Variants in OXCT1 observed in about 807,000 individuals in gnomAD.
The protein encoded by OXCT1 is succinyl-CoA:3-ketoacid coenzyme A transferase 1, mitochondrial.
Under a neutral mutation model 69.6 loss-of-function variants are expected in OXCT1, and 27 were observed. That is an observed-to-expected ratio of 0.39 (90% confidence interval 0.29 to 0.54). The LOEUF is 0.54. Ranked by LOEUF, OXCT1 falls within the 20% of genes least tolerant of loss-of-function variation. OXCT1 has a pLI of 0.72. For synonymous variants in OXCT1, 202 were observed against 217.8 expected (o/e 0.93, Z 0.64); for missense variants, 437 against 650.2 (o/e 0.67, Z 3.57).
intron 7 of OXCT1, among the ~76,000 whole-genome samples, chr5:41,816,415 T>C (rs1057042138): frequency 2.0e-5 from 3 of 152,234 alleles, no homozygotes; most frequent in Non-Finnish European, 4.4e-5. Context: ...TTTAGCATGA[T>C]GATCAAATGG....
At position 41,820,267 on chromosome 5, in the gene OXCT1, T is replaced by C. The variant is rs193067971; in HGVS notation, c.733-12829A>G. 3.9e-5 allele frequency among the ~76,000 whole-genome samples: 6 copies of C among 152,294 alleles called. No individual in the cohort carries two copies. The South Asian group carries it at 1.2e-3, about 32-fold the overall frequency. On this transcript the variant is annotated intron_variant, in intron 7 of 16. Coordinates refer to ENST00000196371, the MANE Select transcript of OXCT1 (RefSeq NM_000436.4). ...GTTATCAAGTGTTTAAAGTATAACA[T>C]CCATGTTGTTGAGAGTAGTTCCAAA...
intron 15 of OXCT1, among the ~76,000 whole-genome samples, chr5:41,742,894 T>C (rs1201442953): frequency 3.3e-5 from 5 of 152,166 alleles, no homozygotes; most frequent in Non-Finnish European, 4.4e-5. Flanking sequence ...GGCATTTGGG[T>C]TGGTTCCAAG....
intron 13 of OXCT1, among the ~76,000 whole-genome samples, chr5:41,785,050 A>G (rs1434265445): frequency 6.6e-6 from 1 of 152,224 alleles, no homozygotes; most frequent in Non-Finnish European, 1.5e-5. Flanking sequence ...GCACCCAAGA[A>G]AAGTATAATA....
intron 7 of OXCT1, among the ~76,000 whole-genome samples, chr5:41,836,122 C>A (rs1018481313): frequency 1.1e-4 from 16 of 152,198 alleles, no homozygotes; most frequent in Non-Finnish European, 2.4e-4. Context: ...TACTCCTTGT[C>A]ATACACATGG....
intron 8 of OXCT1, 30 bp from the exon 9 acceptor site, chr5:41,805,711 T>C (rs781518288): frequency 2.1e-6 from 3 of 1,398,308 alleles, no homozygotes; most frequent in Non-Finnish European, 2.0e-6. Context: ...AAATTATTCG[T>C]GGTTGAGGTA....
intron 7 of OXCT1, among the ~76,000 whole-genome samples, chr5:41,814,078 T>A (rs1211994616): frequency 6.6e-6 from 1 of 152,068 alleles, no homozygotes. Flanking sequence ...TGTTCCTAAT[T>A]GATGCTATCA....
At chr5:41,763,957 T>C (rs1480352329) in intron 13 of OXCT1, among the ~76,000 whole-genome samples, 1 of 152,148 alleles carries the variant, frequency 6.6e-6, no homozygotes, top group Non-Finnish European at 1.5e-5. Context: ...GAAATATGTA[T>C]AGAGGCCCTG....
chr5:41,772,931 A>G (rs1488595175), intron 13 of OXCT1, among the ~76,000 whole-genome samples: 2 of 152,140 alleles, frequency 1.3e-5, no homozygotes, highest in Non-Finnish European at 2.9e-5. Flanking sequence ...CTGAGTCCCA[A>G]AAGGGAAAAG....
chr5:41,842,701 C>T lies in OXCT1; in HGVS notation c.645G>A (p.Ala215=), dbSNP rs778133491. Residue 215 remains alanine (A), a synonymous_variant, in exon 6 of 17, where the codon GCG becomes GCA. Coordinates refer to ENST00000196371, the MANE Select transcript of OXCT1 (RefSeq NM_000436.4). ...TGAAAATCACGTTTCCTGCTCGGTC[C>T]GCCTTCCAGGCTTTCACCAAAGCAA... ...GDFALVKAWK[A]DRAGNVIFRK... is the part of the protein sequence containing the mutation. 19 of 1,613,274 alleles carry T rather than the reference C, an allele frequency of 1.2e-5. No individual in the cohort carries two copies. The East Asian group carries it at 2.7e-4, about 23-fold the overall frequency.
intron 13 of OXCT1, among the ~76,000 whole-genome samples, chr5:41,775,641 C>T (rs1019800659): frequency 3.9e-5 from 6 of 152,078 alleles, no homozygotes; most frequent in Non-Finnish European, 8.8e-5. Flanking sequence ...TCTCTCCTTC[C>T]TAGAGATTGT....
intron 13 of OXCT1, among the ~76,000 whole-genome samples, chr5:41,786,019 T>C (rs570682817): frequency 6.6e-6 from 1 of 152,278 alleles, no homozygotes; most frequent in South Asian, 2.1e-4. Context: ...ATGTGAGTGC[T>C]TCCCAGATGG....
At chr5:41,862,975 C>T (rs1005310069) in intron 1 of OXCT1, among the ~76,000 whole-genome samples, 2 of 151,902 alleles carry the variant, frequency 1.3e-5, no homozygotes, top group Non-Finnish European at 2.9e-5. Flanking sequence ...ATAGTAGACC[C>T]CCCTTATCCA....
intron 5 of OXCT1, among the ~76,000 whole-genome samples, chr5:41,847,157 C>A (rs1363183664): frequency 6.6e-6 from 1 of 151,588 alleles, no homozygotes; most frequent in African/African-American, 2.4e-5. Flanking sequence ...AACACCTCTA[C>A]GCAAATAAAC....
intron 13 of OXCT1, among the ~76,000 whole-genome samples, chr5:41,768,313 C>A (rs1193160939): frequency 1.3e-5 from 2 of 152,142 alleles, no homozygotes; most frequent in African/African-American, 4.8e-5. Flanking sequence ...CTTCCGCAAA[C>A]TACAAGTTGA....
intron 14 of OXCT1, among the ~76,000 whole-genome samples, chr5:41,757,989 G>T (rs1011390038): frequency 6.6e-6 from 1 of 152,066 alleles, no homozygotes; most frequent in Non-Finnish European, 1.5e-5. Context: ...TCTGGCAGTC[G>T]TGTGCTTGAT....
chr5:41,806,088 C>T (rs1746666751), intron 8 of OXCT1, among the ~76,000 whole-genome samples: 1 of 152,050 alleles, frequency 6.6e-6, no homozygotes, highest in African/African-American at 2.4e-5. Flanking sequence ...GTTGCTGCTG[C>T]CAATTGCCTG....
chr5:41,844,164 T>A (rs947706569), intron 5 of OXCT1, among the ~76,000 whole-genome samples: 4 of 152,220 alleles, frequency 2.6e-5, no homozygotes, highest in Admixed American at 1.3e-4. Context: ...TTACTGAAAT[T>A]TAAAAATGGG....
intron 5 of OXCT1, among the ~76,000 whole-genome samples, chr5:41,845,369 T>C (rs111612288): frequency 0.01 from 1,524 of 152,284 alleles, 19 homozygotes; most frequent in Non-Finnish European, 0.014. Flanking sequence ...CTCTTTGCTG[T>C]TAATCTACTT....
chr5:41,845,160 G>T (rs1047489295), intron 5 of OXCT1, among the ~76,000 whole-genome samples: 3 of 152,032 alleles, frequency 2.0e-5, no homozygotes, highest in Non-Finnish European at 2.9e-5. Flanking sequence ...CCACCCTCCT[G>T]TTCCCCAAAC....
Sources: gnomAD v4.1 joint callset for allele counts (sites outside exome capture counted in the v4.1 genomes callset) on GRCh38, gnomAD v4.1.1 for gene constraint, MANE v1.5 for transcripts, NCBI Gene and HGNC (gene_info 2026-07-23, HGNC 2026-07-21) for gene names.